Variants in TMEFF1 observed in about 807,000 individuals in gnomAD.
TMEFF1 encodes tomoregulin-1.
TMEFF1 carries 20 observed loss-of-function variants against 47.5 expected under a neutral mutation model. That is an observed-to-expected ratio of 0.42 (90% confidence interval 0.30 to 0.61). The LOEUF (loss-of-function observed/expected upper bound fraction) is 0.61, where lower values mean the gene tolerates loss of function less well. Ranked by LOEUF, TMEFF1 falls within the 20% of genes least tolerant of loss-of-function variation. The pLI is 0.19. For missense variants in TMEFF1, 411 were observed against 471.1 expected, an observed-to-expected ratio of 0.87 and a Z score of 1.18; for synonymous variants, 162 against 166.3, an observed-to-expected ratio of 0.97 and a Z score of 0.20.
At chr9:100,532,391 A>T (rs888792246) in intron 5 of TMEFF1, among the ~76,000 whole-genome samples, 5 of 152,242 alleles carry the variant, frequency 3.3e-5, no homozygotes, top group African/African-American at 7.2e-5. Context: ...CAACAAATTT[A>T]CAAGAAAAAA....
chr9:100,532,997 A>C (rs1486419393), intron 5 of TMEFF1, among the ~76,000 whole-genome samples: 5 of 151,308 alleles, frequency 3.3e-5, no homozygotes, highest in South Asian at 2.1e-4. Context: ...AACAAAAAAC[A>C]AAACACTGCA....
intron 1 of TMEFF1, among the ~76,000 whole-genome samples, chr9:100,488,220 T>C (rs1837486652): frequency 6.6e-6 from 1 of 152,226 alleles, no homozygotes; most frequent in Non-Finnish European, 1.5e-5. Flanking sequence ...TGTATAGTTT[T>C]ACAATGTGTT....
intron 5 of TMEFF1, among the ~76,000 whole-genome samples, chr9:100,539,973 C>T (rs553921170): frequency 1.6e-4 from 24 of 152,218 alleles, no homozygotes; most frequent in African/African-American, 4.8e-4. Flanking sequence ...ACACACAGAG[C>T]GCTGATGGGT....
rs1374281004 is a variant in TMEFF1, at chr9:100,498,959, A to G, written c.306+85A>G. On this transcript the variant is annotated intron_variant, in intron 2 of 9. Transcript: ENST00000374879. ...TTCTTCAAATTAAAAAACCTAAAACACCTTGAACCCCATAAAGAAATTGGG... is the reference window on the plus strand; with the variant it reads ...TTCTTCAAATTAAAAAACCTAAAACGCCTTGAACCCCATAAAGAAATTGGG... The G allele has an allele frequency of 2.5e-5, 35 of 1,426,496 alleles. No individual in the cohort carries two copies. In the Admixed American group the frequency reaches 8.1e-4, roughly 33 times the overall value. 88.4% of individuals were successfully genotyped at this position (1,426,496 alleles called of 1,614,324 possible).
intron 1 of TMEFF1, 37 bp from the exon 2 acceptor site, chr9:100,498,728 C>T (rs1222902825): frequency 6.2e-7 from 1 of 1,605,810 alleles, no homozygotes; most frequent in Non-Finnish European, 8.5e-7. Context: ...TAATAAAAAG[C>T]CAAATATATA....
At chr9:100,543,296 C>T (rs549602112) in intron 5 of TMEFF1, among the ~76,000 whole-genome samples, 1 of 152,134 alleles carries the variant, frequency 6.6e-6, no homozygotes, top group African/African-American at 2.4e-5. Context: ...TTCCTCTGAC[C>T]TGTCTTCTAA....
At chr9:100,524,291 T>A (rs1012274502) in intron 5 of TMEFF1, among the ~76,000 whole-genome samples, 28 of 152,348 alleles carry the variant, frequency 1.8e-4, no homozygotes, top group African/African-American at 6.7e-4. Flanking sequence ...AAACTACCTA[T>A]GTACCTAACA....
chr9:100,570,357 C>T (rs796182729), intron 8 of TMEFF1, among the ~76,000 whole-genome samples: 20 of 152,136 alleles, frequency 1.3e-4, no homozygotes, highest in South Asian at 6.2e-4. Flanking sequence ...AACTTCCATA[C>T]GGTTTTCCAT....
At chr9:100,487,504 G>C (rs1837471512) in intron 1 of TMEFF1, among the ~76,000 whole-genome samples, 3 of 152,130 alleles carry the variant, frequency 2.0e-5, no homozygotes, top group South Asian at 2.1e-4. Flanking sequence ...GTGTTTTCTA[G>C]GTGGTACACT....
At chr9:100,489,772 A>G (rs1342437539) in intron 1 of TMEFF1, among the ~76,000 whole-genome samples, 1 of 152,196 alleles carries the variant, frequency 6.6e-6, no homozygotes, top group Non-Finnish European at 1.5e-5. Flanking sequence ...TAATTTTAAT[A>G]ACCGCACCAT....
intron 8 of TMEFF1, among the ~76,000 whole-genome samples, chr9:100,562,678 T>G (rs1839040883): frequency 6.6e-6 from 1 of 151,874 alleles, no homozygotes; most frequent in Non-Finnish European, 1.5e-5. Flanking sequence ...TGTTTTGAGA[T>G]AGAGTCTTGC....
intron 1 of TMEFF1, among the ~76,000 whole-genome samples, chr9:100,497,914 G>T (rs1837687586): frequency 7.0e-6 from 1 of 142,594 alleles, no homozygotes. Flanking sequence ...CACTGGGATG[G>T]TTTTTTTTTT....
At chr9:100,550,480 T>G (rs1222713208) in intron 7 of TMEFF1, among the ~76,000 whole-genome samples, 1 of 152,240 alleles carries the variant, frequency 6.6e-6, no homozygotes, top group Non-Finnish European at 1.5e-5. Context: ...TAGAATCTCC[T>G]GTTAACACTT....
chr9:100,561,120 G>T (rs1839005724), intron 7 of TMEFF1, among the ~76,000 whole-genome samples: 1 of 152,128 alleles, frequency 6.6e-6, no homozygotes, highest in Admixed American at 6.5e-5. Context: ...TTCTTTGCCA[G>T]ATTGTTTTTA....
intron 1 of TMEFF1, among the ~76,000 whole-genome samples, chr9:100,482,179 T>TC (rs1258749578): frequency 2.0e-5 from 3 of 151,984 alleles, no homozygotes; most frequent in Non-Finnish European, 4.4e-5. Flanking sequence ...TTCTTCTTCT[T>TC]TTCTTTTCTT....
At position 100,527,375 on chromosome 9, in the gene TMEFF1, G is replaced by C. The variant is rs149385044; in HGVS notation, c.560+10604G>C. ...TGCCAGACAGTGGGCACAGGTCAGTGGGTGCGCGCACAGTGCGTGAGCCGA... is the reference window on the plus strand; with the variant it reads ...TGCCAGACAGTGGGCACAGGTCAGTCGGTGCGCGCACAGTGCGTGAGCCGA... On this transcript the variant is annotated intron_variant, in intron 5 of 9. Coordinates refer to ENST00000374879, the MANE Select transcript of TMEFF1 (RefSeq NM_003692.5). Among the ~76,000 whole-genome samples, 618 of 152,318 alleles carry C rather than the reference G, an allele frequency of 4.1e-3. 5 individuals carry two copies. The highest frequency in any genetic ancestry group is 0.014 in the African/African-American group (582 of 41,574).
intron 4 of TMEFF1, among the ~76,000 whole-genome samples, chr9:100,513,644 G>A (rs1838008616): frequency 6.6e-6 from 1 of 152,004 alleles, no homozygotes; most frequent in Non-Finnish European, 1.5e-5. Context: ...CTTGTTTCTT[G>A]CATTTTTCTC....
intron 7 of TMEFF1, among the ~76,000 whole-genome samples, chr9:100,556,001 C>T (rs1587853869): frequency 2.6e-5 from 4 of 152,298 alleles, no homozygotes. Flanking sequence ...GCTGCTCCTT[C>T]CCTTTGTACC....
intron 2 of TMEFF1, among the ~76,000 whole-genome samples, chr9:100,500,165 C>T (rs1837731947): frequency 6.6e-6 from 1 of 152,132 alleles, no homozygotes; most frequent in African/African-American, 2.4e-5. Flanking sequence ...CTGTTTTCCC[C>T]CTGAACCTAA....
Sources: gnomAD v4.1 joint callset for allele counts (sites outside exome capture counted in the v4.1 genomes callset) on GRCh38, gnomAD v4.1.1 for gene constraint, MANE v1.5 for transcripts, NCBI Gene and HGNC (gene_info 2026-07-23, HGNC 2026-07-21) for gene names.